The following TNC variants were observed in gnomAD, a reference collection of about 807,000 sequenced individuals.
TNC encodes tenascin C, also known as tenascin.
A neutral mutation model predicts 202.4 loss-of-function variants in TNC; 109 were observed. The ratio of observed to expected loss-of-function variants is 0.54; its 90% CI spans 0.46 to 0.63. TNC has a LOEUF of 0.63. Ranked by LOEUF, TNC falls within the 30% of genes least tolerant of loss-of-function variation. The pLI, the probability that TNC is intolerant of heterozygous loss-of-function variation, is 0.00. For synonymous variants in TNC, 1,007 were observed against 1,089.7 expected (o/e 0.92, Z 1.50); for missense variants, 2,756 against 2,833.3 (o/e 0.97, Z 0.62).
chr9:115,101,268 GT>G (rs1420713745), intron 1 of TNC, among the ~76,000 whole-genome samples: 1 of 152,216 alleles, frequency 6.6e-6, no homozygotes, highest in Non-Finnish European at 1.5e-5. Flanking sequence ...CTGGAGTGCA[GT>G]GGTGCGATCT....
At chr9:115,068,925 C>G (rs754115046) in intron 10 of TNC, among the ~76,000 whole-genome samples, 2 of 152,138 alleles carry the variant, frequency 1.3e-5, no homozygotes, top group Non-Finnish European at 2.9e-5. Flanking sequence ...GCTCCTGCAG[C>G]CTCCCACAAA....
intron 21 of TNC, 35 bp from the exon 22 acceptor site, chr9:115,035,369 T>A (rs1262182014): frequency 3.8e-6 from 6 of 1,584,588 alleles, no homozygotes; most frequent in Non-Finnish European, 5.2e-6. Context: ...TCGGATAAGA[T>A]CAGCAAATGT....
In TNC at chr9:115,073,616, C is replaced by T. The variant is rs1011224459; in HGVS notation, c.3201G>A (p.Val1067=). ...GGGCAGACTCACCAGTGGATGCCTTCACACGTGCGGGCTTGCTCTTGTGTC... is the reference window on the plus strand; with the variant it reads ...GGGCAGACTCACCAGTGGATGCCTTTACACGTGCGGGCTTGCTCTTGTGTC... ...KGRHKSKPAR[V]KASTEQAPEL... Residue 1067 remains valine (V), a synonymous_variant, in exon 10 of 28, where the codon GTG becomes GTA. Coordinates refer to ENST00000350763, the MANE Select transcript of TNC (RefSeq NM_002160.4). 6.2e-7 allele frequency: 1 copy of T among 1,613,732 alleles called. No individual in the cohort carries two copies. Among genetic ancestry groups the T allele is most frequent in the Non-Finnish European group, 8.5e-7 (1 of 1,179,724 alleles).
chr9:115,045,246 C>A (rs368611431), intron 17 of TNC, among the ~76,000 whole-genome samples: 132 of 152,328 alleles, frequency 8.7e-4, no homozygotes, highest in African/African-American at 3.1e-3. Context: ...TATGTCTCTG[C>A]ATCTCCCTCA....
intron 13 of TNC, among the ~76,000 whole-genome samples, chr9:115,060,552 G>A (rs746223432): frequency 4.6e-5 from 7 of 152,290 alleles, no homozygotes; most frequent in East Asian, 3.9e-4. Context: ...GATACATGGC[G>A]AGTGCCCAAT....
chr9:115,075,823 C>T (rs957539598), intron 9 of TNC, among the ~76,000 whole-genome samples: 14 of 152,296 alleles, frequency 9.2e-5, no homozygotes, highest in Non-Finnish European at 1.8e-4. Context: ...CCCCAGTCCC[C>T]TTTTCCATAC....
At position 115,046,402 on chromosome 9, in the gene TNC, T is replaced by C. The variant is rs755446439; in HGVS notation, c.5125+8A>G. ...TTTTCTCTGTTCTCTCCTGTTTATT[T>C]ACAGTACCTGTTGTTGCTATAGCAC... is the stretch of plus-strand genomic sequence containing the variant. On this transcript the variant is annotated splice_region_variant and intron_variant, in intron 17 of 27. Transcript: ENST00000350763. The C allele has an allele frequency of 3.1e-6, 5 of 1,613,358 alleles. No homozygotes were observed. The highest frequency in any genetic ancestry group is 1.7e-6 in the Non-Finnish European group (2 of 1,179,556).
chr9:115,103,630 T>C (rs1836401831), intron 1 of TNC, among the ~76,000 whole-genome samples: 1 of 152,194 alleles, frequency 6.6e-6, no homozygotes, highest in South Asian at 2.1e-4. Flanking sequence ...CTGTGTATGG[T>C]TTCCAATTCT....
intron 10 of TNC, among the ~76,000 whole-genome samples, chr9:115,066,339 T>C (rs1056601795): frequency 6.6e-6 from 1 of 152,186 alleles, no homozygotes; most frequent in African/African-American, 2.4e-5. Context: ...AACTAGAGAG[T>C]AGAAACTGAC....
In TNC at chr9:115,064,672, T is replaced by G. The variant is rs2132668027; in HGVS notation, c.3462A>C (p.Pro1154=). 1 of 1,612,688 alleles carries G rather than the reference T, an allele frequency of 6.2e-7. No homozygotes were observed. The highest frequency in any genetic ancestry group is 1.3e-5 in the African/African-American group (1 of 75,010). The change falls in exon 11 of 28, where the codon CCA becomes CCC. Residue 1154 remains proline (P), a synonymous_variant. Coordinates refer to ENST00000350763, the MANE Select transcript of TNC (RefSeq NM_002160.4). ...IYGVIQGYRT[P]VLSAEASTGE... ...CTGTGGAGGCCTCAGCAGAGAGCAC[T>G]GGTGTTCTATAGCCCTGGATCACCC...
chr9:115,057,795 G>C (rs1192102835), intron 14 of TNC, among the ~76,000 whole-genome samples: 3 of 152,170 alleles, frequency 2.0e-5, no homozygotes, highest in Non-Finnish European at 4.4e-5. Context: ...TATGAGTCCT[G>C]GCAACTTCCA....
At chr9:115,088,973 T>G (rs942519403) in intron 2 of TNC, among the ~76,000 whole-genome samples, 1 of 152,202 alleles carries the variant, frequency 6.6e-6, no homozygotes, top group African/African-American at 2.4e-5. Context: ...ACTTGTTTCT[T>G]TCTCCTTTCT....
intron 16 of TNC, 102 bp from the exon 17 acceptor site, chr9:115,046,784 C>T (rs998888175): frequency 1.2e-5 from 16 of 1,361,966 alleles, no homozygotes; most frequent in Admixed American, 1.1e-4. Flanking sequence ...AGTGATGCCC[C>T]GGCTTTCAGA....
intron 20 of TNC, among the ~76,000 whole-genome samples, chr9:115,037,076 G>A (rs1830387567): frequency 6.6e-6 from 1 of 152,166 alleles, no homozygotes; most frequent in African/African-American, 2.4e-5. Flanking sequence ...TTTGCTCACA[G>A]GGACTATTTA....
intron 6 of TNC, among the ~76,000 whole-genome samples, chr9:115,081,144 CT>C (rs1296674870): frequency 2.6e-5 from 4 of 152,244 alleles, no homozygotes; most frequent in African/African-American, 7.2e-5. Context: ...AGTTATGCCC[CT>C]GATGGTGTTA....
In TNC at chr9:115,087,083, G is replaced by A; in HGVS notation, c.648C>T (p.Cys216=). The A allele has an allele frequency of 1.2e-6, 2 of 1,614,236 alleles. No individual in the cohort carries two copies. The highest frequency in any genetic ancestry group is 1.1e-5 in the South Asian group (1 of 91,090). ...AGTCGCTGGGGCAAGCCAGCTGGCTGCAGTCCTCGCCCGTGAAGCCGTCGT... is the reference window on the plus strand; with the variant it reads ...AGTCGCTGGGGCAAGCCAGCTGGCTACAGTCCTCGCCCGTGAAGCCGTCGT... ...ICDDGFTGED[C]SQLACPSDCN... The change falls in exon 3 of 28, where the codon TGC becomes TGT. Residue 216 remains cysteine, a synonymous_variant. Coordinates refer to ENST00000350763, the MANE Select transcript of TNC (RefSeq NM_002160.4).
rs2132672775 is a variant in TNC, at chr9:115,064,787, G to A, written c.3347C>T (p.Ala1116Val). The A allele has an allele frequency of 2.5e-6, 4 of 1,614,176 alleles. 1 individual carries two copies. In the Middle Eastern group the frequency reaches 6.6e-4, roughly 266 times the overall value. The change falls in exon 11 of 28, where the codon GCA becomes GTA. Residue 1116 changes from alanine to valine, a missense_variant. Ala to Val is a moderately conservative substitution (Grantham distance 64, BLOSUM62 0). Transcript: ENST00000350763. ...IQVQEANKVE[A>V]ARNLTVPGSL... ...GCCAGGCACGGTGAGGTTCCGAGCTGCCTCCACCTTGTTGGCCTCCTGCAC... is the reference window on the plus strand; with the variant it reads ...GCCAGGCACGGTGAGGTTCCGAGCTACCTCCACCTTGTTGGCCTCCTGCAC...
intron 22 of TNC, among the ~76,000 whole-genome samples, chr9:115,032,323 G>C (rs936986287): frequency 6.6e-6 from 1 of 152,120 alleles, no homozygotes; most frequent in Non-Finnish European, 1.5e-5. Flanking sequence ...TCATTAAACG[G>C]AGTGAGGAGC....
At position 115,030,254 on chromosome 9, in the gene TNC, A is replaced by C. The variant is rs771617484; in HGVS notation, c.6072T>G (p.Ile2024Met). The change falls in exon 24 of 28, where the codon ATT becomes ATG. Residue 2024 changes from isoleucine to methionine, a missense_variant and splice_region_variant. Transcript: ENST00000350763. The part of the protein sequence containing the change: ...CDMTSDGGGW[I>M]VFLRRKNGRE... ...CTCTGCAGTCCCTGGTGGTACTCAC[A>C]ATCCATCCACCCCCATCAGAGGTCA... The C allele has an allele frequency of 7.5e-6, 12 of 1,607,434 alleles. No individual in the cohort carries two copies. The highest frequency in any genetic ancestry group is 1.0e-5 in the Non-Finnish European group (12 of 1,174,886).
Sources: gnomAD v4.1 joint callset for allele counts (sites outside exome capture counted in the v4.1 genomes callset) on GRCh38, gnomAD v4.1.1 for gene constraint, MANE v1.5 for transcripts, NCBI Gene and HGNC (gene_info 2026-07-23, HGNC 2026-07-21) for gene names.